CREM: variants seen among roughly 807,000 people sequenced by gnomAD.
The protein encoded by CREM is cAMP responsive element modulator, also known as cAMP-responsive element modulator.
CREM carries 13 observed loss-of-function variants against 37.3 expected under a neutral mutation model. The ratio of observed to expected loss-of-function variants is 0.35; its 90% CI spans 0.23 to 0.55. The LOEUF is 0.55. Ranked by LOEUF, CREM falls within the 20% of genes least tolerant of loss-of-function variation. The pLI is 0.88. For missense variants in CREM, 296 were observed against 362.3 expected (o/e 0.82, Z 1.49); for synonymous variants, 124 against 120.2 (o/e 1.03, Z -0.21).
chr10:35,159,732 A>G (rs1244036558), intron 3 of CREM, among the ~76,000 whole-genome samples: 1 of 152,252 alleles, frequency 6.6e-6, no homozygotes, highest in Non-Finnish European at 1.5e-5. Flanking sequence ...ACGTCAAACT[A>G]TAAAGCTTCC....
At chr10:35,137,163 T>C (rs1308624956) in intron 1 of CREM, among the ~76,000 whole-genome samples, 1 of 152,132 alleles carries the variant, frequency 6.6e-6, no homozygotes, top group African/African-American at 2.4e-5. Flanking sequence ...TTTCCACATG[T>C]CAAATATATA....
chr10:35,173,015 C>A (rs543458486), intron 3 of CREM, among the ~76,000 whole-genome samples: 2 of 152,294 alleles, frequency 1.3e-5, no homozygotes, highest in East Asian at 3.9e-4. Flanking sequence ...GTTTTCTGAT[C>A]AAACTGGTTA....
At chr10:35,175,987 A>G in intron 3 of CREM, 1 of 1,551,110 alleles carries the variant, frequency 6.4e-7, no homozygotes, top group Non-Finnish European at 8.7e-7. Context: ...CATCAGAAAT[A>G]CACACCGTTC....
At chr10:35,149,734 T>G (rs1451149998) in intron 3 of CREM, among the ~76,000 whole-genome samples, 1 of 152,144 alleles carries the variant, frequency 6.6e-6, no homozygotes, top group Non-Finnish European at 1.5e-5. Context: ...TCCTTTCCTG[T>G]GCACCCAGCC....
At chr10:35,149,194 G>C (rs1229707935) in intron 3 of CREM, among the ~76,000 whole-genome samples, 1 of 152,186 alleles carries the variant, frequency 6.6e-6, no homozygotes, top group Non-Finnish European at 1.5e-5. Flanking sequence ...GGAGCAGCCA[G>C]CTGACTAGGA....
intron 3 of CREM, among the ~76,000 whole-genome samples, chr10:35,157,388 T>C (rs942086624): frequency 2.0e-5 from 3 of 151,974 alleles, no homozygotes; most frequent in South Asian, 2.1e-4. Flanking sequence ...CCCAGCACTT[T>C]GGGAGGTTGA....
intron 3 of CREM, among the ~76,000 whole-genome samples, chr10:35,149,817 C>A (rs2092443183): frequency 6.6e-6 from 1 of 150,886 alleles, no homozygotes. Flanking sequence ...TTCTGTAGAG[C>A]TGTATCTCCC....
chr10:35,134,977 G>A (rs2090197349), intron 1 of CREM, among the ~76,000 whole-genome samples: 2 of 151,792 alleles, frequency 1.3e-5, no homozygotes, highest in South Asian at 4.1e-4. Flanking sequence ...CGTGGATTTT[G>A]CAGTGAGCTG....
At position 35,179,200 on chromosome 10, in the gene CREM, G is replaced by A; in HGVS notation, c.333G>A (p.Glu111=). ...GVPKIEEERS[E]EEGTPPSIAT... ...CCAAGATTGAAGAAGAGAGATCAGA[G>A]GAAGAAGGAACACCACCTAGTATTG... is the stretch of plus-strand genomic sequence containing the variant. Residue 111 remains glutamate, a synonymous_variant, in exon 5 of 8, where the codon GAG becomes GAA. Coordinates refer to ENST00000685392, the MANE Select transcript of CREM (RefSeq NM_183011.2). 1 of 1,614,074 alleles carries A rather than the reference G, an allele frequency of 6.2e-7. No homozygotes were observed. The highest frequency in any genetic ancestry group is 8.5e-7 in the Non-Finnish European group (1 of 1,179,978).
intron 3 of CREM, among the ~76,000 whole-genome samples, chr10:35,165,297 A>G (rs1434935268): frequency 6.6e-6 from 1 of 151,934 alleles, no homozygotes; most frequent in African/African-American, 2.4e-5. Context: ...ACTCTTCAAC[A>G]ACCAGCTCTC....
intron 6 of CREM, among the ~76,000 whole-genome samples, chr10:35,196,865 C>CTTTTTTTTTTTTTTTTT (rs58503822): frequency 9.2e-6 from 1 of 108,942 alleles, no homozygotes; most frequent in Non-Finnish European, 1.8e-5. Context: ...ACGCTGTGTA[C>CTTTTTTTTTTTTTTTTT]TTTTTTTTTT....
intron 3 of CREM, among the ~76,000 whole-genome samples, chr10:35,175,309 G>A (rs989802857): frequency 6.6e-6 from 1 of 152,180 alleles, no homozygotes; most frequent in African/African-American, 2.4e-5. Context: ...AGCTGAGCGT[G>A]GTGGCGGGCA....
At chr10:35,207,304 C>G (rs927783084) in intron 7 of CREM, among the ~76,000 whole-genome samples, 10 of 151,656 alleles carry the variant, frequency 6.6e-5, no homozygotes, top group Non-Finnish European at 1.2e-4. Context: ...TGAGGCAGGA[C>G]AATGGCATGA....
At chr10:35,194,271 G>C (rs1192358882) in intron 6 of CREM, among the ~76,000 whole-genome samples, 1 of 151,764 alleles carries the variant, frequency 6.6e-6, no homozygotes, top group Non-Finnish European at 1.5e-5. Context: ...TAATGATCCA[G>C]CTCTCTATGT....
chr10:35,138,908 G>A, intron 2 of CREM, among the ~76,000 whole-genome samples: 1 of 151,370 alleles, frequency 6.6e-6, no homozygotes, highest in East Asian at 1.9e-4. Context: ...AAAAAAAATT[G>A]TTTTAATGGA....
In CREM at chr10:35,137,086, T is replaced by C. The variant is rs548042376; in HGVS notation, c.-54-696T>C. Among the ~76,000 whole-genome samples, 5 of 152,290 alleles carry C rather than the reference T, an allele frequency of 3.3e-5. No individual in the cohort carries two copies. In the South Asian group the frequency reaches 6.2e-4, roughly 19 times the overall value. ...ACCTCAGCCTCCCGCAGTGCTGGGA[T>C]TACAGGTGTGAGCCACCATGTCTGG... On this transcript the variant is annotated intron_variant, in intron 1 of 7. Coordinates refer to ENST00000685392, the MANE Select transcript of CREM (RefSeq NM_183011.2).
At chr10:35,169,799 T>C (rs943465279) in intron 3 of CREM, among the ~76,000 whole-genome samples, 87 of 152,302 alleles carry the variant, frequency 5.7e-4, no homozygotes, top group African/African-American at 1.8e-3. Flanking sequence ...GTTTTTAGCA[T>C]GAAGGGCTGT....
chr10:35,166,330 A>T (rs1406964832), intron 3 of CREM, among the ~76,000 whole-genome samples: 1 of 152,170 alleles, frequency 6.6e-6, no homozygotes, highest in Non-Finnish European at 1.5e-5. Flanking sequence ...TGGGAGGCCA[A>T]GGCGGGTAGA....
At chr10:35,167,203 ATATTCT>A (rs932886446) in intron 3 of CREM, among the ~76,000 whole-genome samples, 4 of 152,206 alleles carry the variant, frequency 2.6e-5, no homozygotes, top group Non-Finnish European at 4.4e-5. Flanking sequence ...TTGATTTATA[ATATTCT>A]TATTATTTTC....
Sources: allele counts gnomAD v4.1 joint callset (sites outside exome capture counted in the v4.1 genomes callset), GRCh38; gene constraint gnomAD v4.1.1; transcripts MANE v1.5; gene names NCBI Gene and HGNC (gene_info 2026-07-23, HGNC 2026-07-21).